The following ZNF718 variants were observed in gnomAD, a reference collection of about 807,000 sequenced individuals.
The protein encoded by ZNF718 is zinc finger protein 718.
Under a neutral mutation model 2.6 loss-of-function variants are expected in ZNF718, and 3 were observed. That is an observed-to-expected ratio of 1.16 (90% confidence interval 0.53 to 3.01). The LOEUF (loss-of-function observed/expected upper bound fraction) is 3.01. Ranked by LOEUF, ZNF718 falls within the 30% of genes most tolerant of loss-of-function variation. The pLI, the probability that ZNF718 is intolerant of heterozygous loss-of-function variation, is 0.03. For synonymous variants in ZNF718, 135 were observed against 77.9 expected (o/e 1.73, Z -3.86); for missense variants, 468 against 230.0 (o/e 2.03, Z -6.69).
At chr4:124,871 C>G (rs540368830) in intron 1 of ZNF718, 198 bp downstream of exon 1, 72 of 620,484 alleles carry the variant, frequency 1.2e-4, no homozygotes, top group Non-Finnish European at 1.1e-4. Context: ...TTGTGCAGCT[C>G]TGCGCCGGTA....
chr4:198,652 G>A (rs1392612816), intron 3 of ZNF718, among the ~76,000 whole-genome samples: 1 of 152,188 alleles, frequency 6.6e-6, no homozygotes, highest in South Asian at 2.1e-4. Flanking sequence ...AGGTGGACAG[G>A]TGGCCATATT....
chr4:170,785 G>A (rs1717207900), intron 3 of ZNF718, among the ~76,000 whole-genome samples: 1 of 151,910 alleles, frequency 6.6e-6, no homozygotes, highest in African/African-American at 2.4e-5. Context: ...CTTTGCCATG[G>A]GTTCGAACTT....
chr4:170,039 C>A (rs1717185278), intron 3 of ZNF718, among the ~76,000 whole-genome samples: 1 of 152,044 alleles, frequency 6.6e-6, no homozygotes, highest in Non-Finnish European at 1.5e-5. Context: ...TTAGGGCAGG[C>A]CTGGTGGTGA....
intron 3 of ZNF718, among the ~76,000 whole-genome samples, chr4:170,829 A>G (rs1223483001): frequency 6.6e-6 from 1 of 152,018 alleles, no homozygotes. Flanking sequence ...GATCATCTGA[A>G]GCCTTCTTGT....
intron 3 of ZNF718, among the ~76,000 whole-genome samples, chr4:192,271 C>T (rs1456594914): frequency 1.3e-5 from 2 of 152,146 alleles, no homozygotes; most frequent in African/African-American, 2.4e-5. Context: ...TGGGAGGGGA[C>T]CCAAAGGGGG....
intron 3 of ZNF718, among the ~76,000 whole-genome samples, chr4:175,794 C>T (rs1377690933): frequency 6.6e-6 from 1 of 151,876 alleles, no homozygotes; most frequent in African/African-American, 2.4e-5. Context: ...TCAATTTAAA[C>T]CTCAAAGCCA....
intron 3 of ZNF718, among the ~76,000 whole-genome samples, chr4:170,925 A>G (rs1306466585): frequency 6.6e-6 from 1 of 151,890 alleles, no homozygotes; most frequent in African/African-American, 2.4e-5. Flanking sequence ...AGGCACTCTG[A>G]TTTTTAGAGT....
At chr4:178,339 A>G (rs1386126027) in intron 3 of ZNF718, among the ~76,000 whole-genome samples, 4 of 151,616 alleles carry the variant, frequency 2.6e-5, no homozygotes, top group Non-Finnish European at 4.4e-5. Flanking sequence ...GGGTCTCCCT[A>G]TTTTTCCCAG....
intron 3 of ZNF718, among the ~76,000 whole-genome samples, chr4:148,610 CAAAAAAA>C (rs33957522): frequency 2.7e-4 from 20 of 74,510 alleles, no homozygotes; most frequent in African/African-American, 3.6e-4. Context: ...GACTCTGTCT[CAAAAAAA>C]AAAAAAAAAA....
chr4:137,103 C>G (rs1205137619), intron 3 of ZNF718, among the ~76,000 whole-genome samples: 2 of 152,154 alleles, frequency 1.3e-5, no homozygotes, highest in Non-Finnish European at 2.9e-5. Flanking sequence ...TCTCTTGCTC[C>G]TGCTCCCACT....
chr4:143,047 A>G (rs1408878053), intron 3 of ZNF718, among the ~76,000 whole-genome samples: 6 of 152,224 alleles, frequency 3.9e-5, no homozygotes, highest in African/African-American at 1.2e-4. Flanking sequence ...AACAGAAGCT[A>G]AAAGAAACGT....
Position 124,600 on chromosome 4 carries a change from C to G in ZNF718, c.-71C>G. Reference sequence around the variant, plus strand: ...GGTGATTCTGCCACAGCCTCAGCCTCTGTGGCTCTGTGACCTGCCGGTATT... The same window carrying G: ...GGTGATTCTGCCACAGCCTCAGCCTGTGTGGCTCTGTGACCTGCCGGTATT... On this transcript the variant is annotated 5_prime_UTR_variant, in exon 1 of 4. Coordinates refer to ENST00000510175, the MANE Select transcript of ZNF718 (RefSeq NM_001039127.6). 6.3e-7 allele frequency: 1 copy of G among 1,596,556 alleles called. No individual in the cohort carries two copies. The highest frequency in any genetic ancestry group is 8.5e-7 in the Non-Finnish European group (1 of 1,174,998).
At chr4:159,446 C>A (rs1716728903) in intron 3 of ZNF718, among the ~76,000 whole-genome samples, 1 of 151,902 alleles carries the variant, frequency 6.6e-6, no homozygotes, top group Non-Finnish European at 1.5e-5. Flanking sequence ...TTATAAATGA[C>A]ACATCACTTT....
At chr4:146,677 T>G (rs11733385) in intron 3 of ZNF718, among the ~76,000 whole-genome samples, 21,256 of 152,028 alleles carry the variant, frequency 0.14, 1,989 homozygotes, top group Admixed American at 0.24. Context: ...TTTTTATGGT[T>G]TATCATATAG....
At chr4:135,480 G>A (rs1454399988) in intron 3 of ZNF718, among the ~76,000 whole-genome samples, 1 of 151,548 alleles carries the variant, frequency 6.6e-6, no homozygotes, top group Non-Finnish European at 1.5e-5. Flanking sequence ...GAGACAAACT[G>A]CTGCATTCTT....
rs529184109 is a variant in ZNF718, at chr4:185,745, T to C, written c.227-15336T>C. ...TGTTGAATTGAAACCTTTACCCTTATGTAATGCCTTTCTTTGTCGTTTTGA... is the reference window on the plus strand; with the variant it reads ...TGTTGAATTGAAACCTTTACCCTTACGTAATGCCTTTCTTTGTCGTTTTGA... On this transcript the variant is annotated intron_variant and NMD_transcript_variant, in intron 3 of 4. Coordinates refer to the ZNF718 transcript ENST00000642529. Among the ~76,000 whole-genome samples, 84 of 152,328 alleles carry C rather than the reference T, an allele frequency of 5.5e-4. 1 individual carries two copies. The South Asian group carries it at 0.016, about 30-fold the overall frequency.
At chr4:199,921 C>T (rs1049838059) in intron 3 of ZNF718, among the ~76,000 whole-genome samples, 62 of 152,140 alleles carry the variant, frequency 4.1e-4, no homozygotes, top group African/African-American at 1.4e-3. Flanking sequence ...CTTTAACATG[C>T]CAGTCAATAT....
Position 160,973 on chromosome 4 carries a change from C to T in ZNF718, c.288C>T (p.His96=). Residue 96 remains histidine, a synonymous_variant, in exon 4 of 4, where the codon CAC becomes CAT. Coordinates refer to ENST00000510175, the MANE Select transcript of ZNF718 (RefSeq NM_001039127.6). ...WTVQGIEDSF[H]KLIPKGHEKR... is the part of the protein sequence containing the mutation. The stretch of plus-strand genomic sequence containing the variant: ...TGCAGGGCATAGAAGATTCATTCCA[C>T]AAACTTATACCAAAAGGACATGAGA... 1.3e-6 allele frequency: 1 copy of T among 780,880 alleles called. No individual in the cohort carries two copies. The highest frequency in any genetic ancestry group is 2.4e-5 in the East Asian group (1 of 41,230). The allele number at this position is 780,880 out of a possible 1,614,324, so 48.4% of individuals were successfully genotyped here. A position where few individuals can be genotyped will look rare whatever the true frequency, so the allele number is the denominator to read the frequency against.
intron 3 of ZNF718, among the ~76,000 whole-genome samples, chr4:145,323 T>G (rs1553811026): frequency 6.6e-6 from 1 of 152,222 alleles, no homozygotes; most frequent in Non-Finnish European, 1.5e-5. Flanking sequence ...TTTCTTCCCT[T>G]GCGTTTTCTT....
Sources: allele counts gnomAD v4.1 joint callset (sites outside exome capture counted in the v4.1 genomes callset), GRCh38; gene constraint gnomAD v4.1.1; transcripts MANE v1.5; gene names NCBI Gene and HGNC (gene_info 2026-07-23, HGNC 2026-07-21).